The following KHDRBS2 variants were observed in gnomAD, a reference collection of about 807,000 sequenced individuals.
KHDRBS2 encodes the protein KH domain-containing, RNA-binding, signal transduction-associated protein 2.
KHDRBS2 carries 26 observed loss-of-function variants against 44.3 expected under a neutral mutation model. That is an observed-to-expected ratio of 0.59 (90% confidence interval 0.43 to 0.81). The LOEUF (loss-of-function observed/expected upper bound fraction) is 0.81. Among genes scored for constraint, KHDRBS2 ranks in the 40% least tolerant of loss-of-function variants. KHDRBS2 has a pLI of 0.00. For missense variants in KHDRBS2, 476 were observed against 433.1 expected, an observed-to-expected ratio of 1.10 and a Z score of -0.88; for synonymous variants, 194 against 151.1, an observed-to-expected ratio of 1.28 and a Z score of -2.08.
chr6:61,916,993 G>C (rs1266808159), intron 4 of KHDRBS2, among the ~76,000 whole-genome samples: 6 of 84,634 alleles, frequency 7.1e-5, no homozygotes, highest in Admixed American at 7.0e-4. Context: ...TTTTTTTGCT[G>C]GTGGGGATTC....
intron 6 of KHDRBS2, among the ~76,000 whole-genome samples, chr6:61,863,247 GC>G (rs1342768835): frequency 7.0e-6 from 1 of 142,566 alleles, no homozygotes; most frequent in African/African-American, 2.6e-5. Context: ...CATTTGTTGA[GC>G]TTTTGAAGGG....
rs185660788 is a variant in KHDRBS2 at position 62,230,585 on chromosome 6, G to A, written c.92-53273C>T. On this transcript the variant is annotated intron_variant, in intron 1 of 8. Transcript: ENST00000281156. ...GCTTTGCTTCTTTAGAGGAAGTTGCGGAAAGTGATTACAACAGCTCCTAGC... is the reference window on the plus strand; with the variant it reads ...GCTTTGCTTCTTTAGAGGAAGTTGCAGAAAGTGATTACAACAGCTCCTAGC... 2.0e-3 allele frequency among the ~76,000 whole-genome samples: 297 copies of A among 152,144 alleles called. 2 individuals carry two copies. The highest frequency in any genetic ancestry group is 3.5e-3 in the Non-Finnish European group (238 of 67,994).
chr6:61,873,014 G>C (rs1227644770), intron 6 of KHDRBS2, among the ~76,000 whole-genome samples: 1 of 152,076 alleles, frequency 6.6e-6, no homozygotes, highest in Non-Finnish European at 1.5e-5. Context: ...CACATACCAT[G>C]TGTAAAATCT....
In KHDRBS2 at chr6:61,970,306, T is replaced by TA. The variant is rs150361432; in HGVS notation, c.483+7759dup. ...TGAATAAAGTAAAGAGCTGATTAGT[T>TA]AAAAAAAAACTGCATATTTTCAGAC... On this transcript the variant is annotated intron_variant, in intron 4 of 8. Coordinates refer to ENST00000281156, the MANE Select transcript of KHDRBS2 (RefSeq NM_152688.4). 9.3e-3 allele frequency among the ~76,000 whole-genome samples: 1,406 copies of TA among 150,756 alleles called. 8 individuals are homozygous for TA. Among genetic ancestry groups the TA allele is most frequent in the Middle Eastern group, 0.024 (7 of 292 alleles).
At chr6:61,736,212 T>TACACACA (rs1554184354) in intron 6 of KHDRBS2, among the ~76,000 whole-genome samples, 1 of 135,562 alleles carries the variant, frequency 7.4e-6, no homozygotes, top group African/African-American at 2.8e-5. Flanking sequence ...TTACTTTACT[T>TACACACA]CACACACACA....
At position 61,813,773 on chromosome 6, in the gene KHDRBS2, T is replaced by G; in HGVS notation, c.810+80862A>C. ...AAATCCCATAAGAGTTAAATGAAAT[T>G]AACTCATTGTCTGGAATAAACTAGA... On this transcript the variant is annotated intron_variant, in intron 6 of 8. Coordinates refer to ENST00000281156, the MANE Select transcript of KHDRBS2 (RefSeq NM_152688.4). Among the ~76,000 whole-genome samples, 3 of 152,240 alleles carry G rather than the reference T, an allele frequency of 2.0e-5. No individual in the cohort carries two copies. In the Middle Eastern group the frequency reaches 0.01, roughly 518 times the overall value.
chr6:61,762,669 T>C (rs1202273315), intron 6 of KHDRBS2, among the ~76,000 whole-genome samples: 1 of 152,196 alleles, frequency 6.6e-6, no homozygotes, highest in Non-Finnish European at 1.5e-5. Context: ...GCCAGCAGAA[T>C]TGTCAACCAA....
intron 2 of KHDRBS2, among the ~76,000 whole-genome samples, chr6:62,153,203 A>G (rs1226420224): frequency 6.6e-6 from 1 of 152,270 alleles, no homozygotes; most frequent in Non-Finnish European, 1.5e-5. Flanking sequence ...ATTAGGGAAT[A>G]GCCTACTTAG....
intron 3 of KHDRBS2, among the ~76,000 whole-genome samples, chr6:62,041,051 C>T (rs1181806963): frequency 6.6e-6 from 1 of 152,052 alleles, no homozygotes; most frequent in African/African-American, 2.4e-5. Flanking sequence ...TATTTTTAGG[C>T]CAAGCACGGT....
intron 1 of KHDRBS2, among the ~76,000 whole-genome samples, chr6:62,231,775 T>C (rs1191478762): frequency 6.6e-6 from 1 of 152,204 alleles, no homozygotes; most frequent in Non-Finnish European, 1.5e-5. Flanking sequence ...TTATTCTTCG[T>C]GAAGAATTTT....
intron 1 of KHDRBS2, among the ~76,000 whole-genome samples, chr6:62,261,705 A>G (rs751355615): frequency 1.3e-5 from 2 of 151,806 alleles, no homozygotes; most frequent in Non-Finnish European, 3.0e-5. Context: ...TATATTACCT[A>G]TCTTCTTCAG....
At chr6:62,224,601 T>C (rs1831454214) in intron 1 of KHDRBS2, among the ~76,000 whole-genome samples, 1 of 152,208 alleles carries the variant, frequency 6.6e-6, no homozygotes, top group African/African-American at 2.4e-5. Context: ...AAGAATTATT[T>C]TGGCATACAC....
intron 6 of KHDRBS2, among the ~76,000 whole-genome samples, chr6:61,811,748 T>C (rs1207371667): frequency 6.6e-6 from 1 of 152,098 alleles, no homozygotes; most frequent in East Asian, 1.9e-4. Flanking sequence ...ATTAAACACA[T>C]TTAACATTTT....
intron 6 of KHDRBS2, among the ~76,000 whole-genome samples, chr6:61,745,156 C>T (rs1272102854): frequency 2.0e-5 from 3 of 151,986 alleles, no homozygotes; most frequent in South Asian, 2.1e-4. Flanking sequence ...TACAACTTGG[C>T]GCTTGGTGGG....
intron 1 of KHDRBS2, among the ~76,000 whole-genome samples, chr6:62,279,466 G>T (rs1841489344): frequency 6.6e-6 from 1 of 152,100 alleles, no homozygotes; most frequent in Non-Finnish European, 1.5e-5. Context: ...ATTTATTGAG[G>T]CCTTCTACAT....
At chr6:62,182,241 T>C (rs543633873) in intron 1 of KHDRBS2, among the ~76,000 whole-genome samples, 3 of 152,046 alleles carry the variant, frequency 2.0e-5, no homozygotes, top group Admixed American at 6.6e-5. Flanking sequence ...CATAAATTTA[T>C]ATATGAGGAA....
intron 4 of KHDRBS2, among the ~76,000 whole-genome samples, chr6:61,953,074 A>G (rs1765106982): frequency 6.6e-6 from 1 of 152,046 alleles, no homozygotes; most frequent in Non-Finnish European, 1.5e-5. Context: ...ATACCTGTTC[A>G]TATTTGGCCC....
intron 7 of KHDRBS2, among the ~76,000 whole-genome samples, chr6:61,700,918 T>A (rs76312515): frequency 0.041 from 6,248 of 151,932 alleles, 151 homozygotes; most frequent in East Asian, 0.086. Context: ...AAATACATTT[T>A]AAAAATATTA....
At chr6:62,224,714 TG>T (rs1831474022) in intron 1 of KHDRBS2, among the ~76,000 whole-genome samples, 1 of 152,170 alleles carries the variant, frequency 6.6e-6, no homozygotes, top group Non-Finnish European at 1.5e-5. Flanking sequence ...AAGAGCACAG[TG>T]TTTAAGAGTG....
Sources: gnomAD v4.1 joint callset for allele counts (sites outside exome capture counted in the v4.1 genomes callset) on GRCh38, gnomAD v4.1.1 for gene constraint, MANE v1.5 for transcripts, NCBI Gene and HGNC (gene_info 2026-07-23, HGNC 2026-07-21) for gene names.